The following HNRNPH1 variants were observed in gnomAD, a reference collection of about 807,000 sequenced individuals.
HNRNPH1 encodes heterogeneous nuclear ribonucleoprotein H.
Under a neutral mutation model 58.6 loss-of-function variants are expected in HNRNPH1, and 4 were observed. That is an observed-to-expected ratio of 0.07 (90% CI 0.03 to 0.16). The LOEUF is 0.16. Among genes scored for constraint, HNRNPH1 ranks in the 10% least tolerant of loss-of-function variants. The pLI, the probability that HNRNPH1 is intolerant of heterozygous loss-of-function variation, is 1.00. For synonymous variants in HNRNPH1, 192 were observed against 189.2 expected (o/e 1.01, Z -0.12); for missense variants, 271 against 564.2 (o/e 0.48, Z 5.26).
chr5:179,631,691 G>A (rs1774840257), intron 2 of HNRNPH1, among the ~76,000 whole-genome samples: 1 of 151,912 alleles, frequency 6.6e-6, no homozygotes. Flanking sequence ...ACGTTGCGAT[G>A]AGCTGAGTTC....
rs192662990 is a variant in HNRNPH1 at position 179,621,764 on chromosome 5, G to A, written c.98-367C>T. ...CTTCGTTGCGAGCTGTTTTGGTCTGGGGCATTTATCCGTTTTACCTTACCA... is the reference window on the plus strand; with the variant it reads ...CTTCGTTGCGAGCTGTTTTGGTCTGAGGCATTTATCCGTTTTACCTTACCA... On this transcript the variant is annotated intron_variant, in intron 1 of 12. Coordinates refer to ENST00000356731, the Ensembl canonical transcript of HNRNPH1. The A allele has an allele frequency of 9.3e-4, 346 of 370,362 alleles. 3 individuals are homozygous for A. Among genetic ancestry groups the A allele is most frequent in the Admixed American group, 5.2e-3 (134 of 25,916 alleles). The allele number at this position is 370,362 out of a possible 1,614,324, so 22.9% of individuals were successfully genotyped here.
At chr5:179,627,726 A>G (rs1034493808), upstream of HNRNPH1, among the ~76,000 whole-genome samples, 4 of 151,812 alleles carry the variant, frequency 2.6e-5, no homozygotes, top group Admixed American at 1.3e-4. Flanking sequence ...AGTTTCAGAC[A>G]TGTTGGCCAA....
At chr5:179,622,569 G>C (rs1773004885) in intron 1 of HNRNPH1, among the ~76,000 whole-genome samples, 1 of 152,082 alleles carries the variant, frequency 6.6e-6, no homozygotes, top group Admixed American at 6.5e-5. Flanking sequence ...AAATTAGCCG[G>C]GCGTGGCGGT....
chr5:179,619,502 T>A (rs1771256529), intron 3 of HNRNPH1, 95 bp from the exon 5 acceptor site: 4 of 1,166,742 alleles, frequency 3.4e-6, no homozygotes, highest in Non-Finnish European at 4.9e-6. Flanking sequence ...AAACCAGAAT[T>A]TTTAACTTTA....
intron 4 of HNRNPH1, chr5:179,618,865 G>A (rs376913227): frequency 6.3e-5 from 10 of 159,752 alleles, no homozygotes; most frequent in Admixed American, 1.9e-4. Context: ...ATACTATGCA[G>A]AATATTTATA....
In HNRNPH1 at chr5:179,621,050, T is replaced by C. The variant is rs369999545; in HGVS notation, c.254-15A>G. 2 of 1,612,134 alleles carry C rather than the reference T, an allele frequency of 1.2e-6. No homozygotes were observed. The highest frequency in any genetic ancestry group is 1.3e-5 in the African/African-American group (1 of 75,002). ...TGACTTGAATACTGAAAGAGGTGCT[T>C]AGAATTAGTCACTTTTGGAAAATTA... On this transcript the variant is annotated splice_polypyrimidine_tract_variant and intron_variant, in intron 2 of 12. Coordinates refer to ENST00000356731, the Ensembl canonical transcript of HNRNPH1.
chr5:179,621,879 C>T, intron 1 of HNRNPH1: 1 of 452,972 alleles, frequency 2.2e-6, no homozygotes, highest in Non-Finnish European at 4.4e-6. Context: ...TAAAATGCTC[C>T]AAGTTGCACA....
At chr5:179,620,309 A>G (rs1771738721) in intron 3 of HNRNPH1, among the ~76,000 whole-genome samples, 1 of 152,182 alleles carries the variant, frequency 6.6e-6, no homozygotes, top group Non-Finnish European at 1.5e-5. Context: ...ACATTCAAAT[A>G]CTTTAGGCCC....
At chr5:179,631,121 G>A (rs1462869373) in intron 2 of HNRNPH1, among the ~76,000 whole-genome samples, 3 of 152,072 alleles carry the variant, frequency 2.0e-5, no homozygotes, top group Non-Finnish European at 4.4e-5. Context: ...TGGGGGTAGT[G>A]GGATGGGGAG....
At chr5:179,620,635 G>A (rs1380508479) in intron 3 of HNRNPH1, 5 of 400,804 alleles carry the variant, frequency 1.2e-5, no homozygotes, top group South Asian at 3.6e-5. Context: ...TAGTTAAGCT[G>A]TTGAGGGCAA....
upstream of HNRNPH1, among the ~76,000 whole-genome samples, chr5:179,625,081 G>A (rs549476444): frequency 1.1e-4 from 16 of 152,284 alleles, no homozygotes; most frequent in African/African-American, 3.9e-4. Context: ...CTGGATGTGA[G>A]GGGGATGCAG....
chr5:179,631,741 T>C (rs570599616), intron 2 of HNRNPH1, among the ~76,000 whole-genome samples: 158 of 150,738 alleles, frequency 1.0e-3, no homozygotes, highest in Non-Finnish European at 1.9e-3. Context: ...GAGCAAGACC[T>C]CAAAAAAAAA....
chr5:179,617,474 ATC>A, intron 8 of HNRNPH1, 38 bp downstream of exon 9: 1 of 1,595,292 alleles, frequency 6.3e-7, no homozygotes, highest in Non-Finnish European at 8.5e-7. Flanking sequence ...TAGTCACACA[ATC>A]ACCTGTTAAG....
exon 5 of HNRNPH1, chr5:179,618,157 C>T: frequency 6.2e-7 from 1 of 1,613,836 alleles, no homozygotes; most frequent in Non-Finnish European, 8.5e-7. Flanking sequence ...CCACCATAAG[C>T]ACCACGCCTC....
intron 3 of HNRNPH1, 112 bp from the exon 5 acceptor site, chr5:179,619,519 T>TTA (rs1264387633): frequency 1.2e-6 from 1 of 865,930 alleles, no homozygotes; most frequent in East Asian, 2.5e-5. Flanking sequence ...TTTAGGTGAA[T>TTA]GGTATGCTTT....
chr5:179,616,027 C>G (rs1030861881), intron 11 of HNRNPH1, 99 bp downstream of exon 12: 6 of 1,071,178 alleles, frequency 5.6e-6, no homozygotes, highest in Non-Finnish European at 8.7e-6. Flanking sequence ...GCGACTTACT[C>G]TAAGTACAGT....
chr5:179,626,293 T>G (rs993737143), upstream of HNRNPH1, among the ~76,000 whole-genome samples: 1 of 151,942 alleles, frequency 6.6e-6, no homozygotes, highest in Non-Finnish European at 1.5e-5. Flanking sequence ...TTAGTTGAGA[T>G]GGGGTTTTGC....
At position 179,614,979 on chromosome 5, in the gene HNRNPH1, A is replaced by C; in HGVS notation, c.*1-20T>G. On this transcript the variant is annotated intron_variant, in intron 12 of 12. Transcript: ENST00000356731. ...GGTTACCTGCAAAGAGATCAATTTG[A>C]CAAGTTAGGAGTAATATCAGACTAC... 1.4e-6 allele frequency: 2 copies of C among 1,379,564 alleles called. No homozygotes were observed. Among genetic ancestry groups the C allele is most frequent in the Non-Finnish European group, 2.0e-6 (2 of 991,016 alleles). The allele number at this position is 1,379,564 out of a possible 1,614,324, so 85.5% of individuals were successfully genotyped here.
chr5:179,616,975 G>C lies in HNRNPH1; in HGVS notation c.1118-17C>G. The C allele has an allele frequency of 6.4e-7, 1 of 1,555,994 alleles. No homozygotes were observed. Among genetic ancestry groups the C allele is most frequent in the Non-Finnish European group, 8.7e-7 (1 of 1,151,026 alleles). On this transcript the variant is annotated splice_polypyrimidine_tract_variant and intron_variant, in intron 9 of 12. Coordinates refer to ENST00000356731, the Ensembl canonical transcript of HNRNPH1. ...ATCTGTGTTCTGAAATGAGAGAAAA[G>C]GCATACAAGGTTAGCTTAAAAAAAA...
Sources: allele counts gnomAD v4.1 joint callset (sites outside exome capture counted in the v4.1 genomes callset), GRCh38; gene constraint gnomAD v4.1.1; transcripts MANE v1.5; gene names NCBI Gene and HGNC (gene_info 2026-07-23, HGNC 2026-07-21).